DIXDC1: variants seen among roughly 807,000 people sequenced by gnomAD.
The protein encoded by DIXDC1 is DIX domain containing 1, also known as dixin.
In DIXDC1, 64 loss-of-function variants were observed where a neutral mutation model predicts 103.1. The ratio of observed to expected loss-of-function variants is 0.62; its 90% CI spans 0.51 to 0.76. The LOEUF (loss-of-function observed/expected upper bound fraction) is 0.76, where lower values mean the gene tolerates loss of function less well. Ranked by LOEUF, DIXDC1 falls within the 30% of genes least tolerant of loss-of-function variation. The pLI is 0.00. For missense variants in DIXDC1, 759 were observed against 834.2 expected, an observed-to-expected ratio of 0.91 and a Z score of 1.11; for synonymous variants, 266 against 298.5, an observed-to-expected ratio of 0.89 and a Z score of 1.12.
At chr11:112,002,261 A>G (rs76505591) in intron 17 of DIXDC1, among the ~76,000 whole-genome samples, 1 of 122,460 alleles carries the variant, frequency 8.2e-6, no homozygotes, top group Non-Finnish European at 1.6e-5. Context: ...CAGGCATGTG[A>G]AAAAAAAAAA....
intron 6 of DIXDC1, among the ~76,000 whole-genome samples, chr11:111,981,406 A>G (rs1860303253): frequency 6.6e-6 from 1 of 152,246 alleles, no homozygotes; most frequent in Non-Finnish European, 1.5e-5. Context: ...TGCAAGACTT[A>G]GAATTGTATT....
intron 1 of DIXDC1, among the ~76,000 whole-genome samples, chr11:111,950,421 TA>T (rs1966744727): frequency 9.8e-5 from 2 of 20,352 alleles, no homozygotes; most frequent in African/African-American, 3.0e-4. Context: ...TATATATATA[TA>T]TATATATATA....
intron 17 of DIXDC1, among the ~76,000 whole-genome samples, chr11:112,013,321 T>TGGAGGG (rs1555177392): frequency 2.8e-5 from 1 of 35,710 alleles, no homozygotes; most frequent in African/African-American, 9.8e-5. Context: ...GGTCGGGGGG[T>TGGAGGG]GGGGGTGGGG....
chr11:112,005,532 C>CA (rs1392132090), intron 17 of DIXDC1, among the ~76,000 whole-genome samples: 1 of 151,650 alleles, frequency 6.6e-6, no homozygotes, highest in African/African-American at 2.4e-5. Flanking sequence ...CCTGACTCAA[C>CA]AAAAAAATAA....
Position 111,977,866 on chromosome 11 carries a change from G to A in DIXDC1, c.657-2871G>A. 6.8e-7 allele frequency: 1 copy of A among 1,475,462 alleles called. No individual in the cohort carries two copies. The highest frequency in any genetic ancestry group is 1.3e-5 in the South Asian group (1 of 74,938). The allele number at this position is 1,475,462 out of a possible 1,614,324, so 91.4% of individuals were successfully genotyped here. Reference sequence around the variant, plus strand: ...AACAGGGGCAGGGCTGGAGGATGCTGTTGGCCGGAGACAGGCGGGGTGGTG... The same window carrying A: ...AACAGGGGCAGGGCTGGAGGATGCTATTGGCCGGAGACAGGCGGGGTGGTG... On this transcript the variant is annotated intron_variant, in intron 5 of 19. Transcript: ENST00000440460. This position sits in a 1 kb window ranked among gnomAD's most constrained non-coding sequence, Gnocchi z 6.1.
chr11:112,019,135 G>T lies in DIXDC1; in HGVS notation c.*99G>T. The T allele has an allele frequency of 9.9e-7, 1 of 1,007,222 alleles. No homozygotes were observed. 62.4% of individuals were successfully genotyped at this position (1,007,222 alleles called of 1,614,324 possible). ...ACCAGAATACACTAAGAAGTTTCTA[G>T]TTTGTGTGCCAAAACAGAAGCTTCT... is the stretch of plus-strand genomic sequence containing the variant. On this transcript the variant is annotated 3_prime_UTR_variant, in exon 20 of 20. Coordinates refer to ENST00000440460, the MANE Select transcript of DIXDC1 (RefSeq NM_001037954.4).
intron 1 of DIXDC1, among the ~76,000 whole-genome samples, chr11:111,949,325 GC>G (rs1966698887): frequency 6.6e-6 from 1 of 152,138 alleles, no homozygotes; most frequent in African/African-American, 2.4e-5. Flanking sequence ...TCAAAACCGA[GC>G]CATTGACTTT....
At chr11:111,975,165 G>T in intron 5 of DIXDC1, 182 bp downstream of exon 5, 1 of 1,404,410 alleles carries the variant, frequency 7.1e-7, no homozygotes, top group Non-Finnish European at 9.3e-7. Context: ...TAGGAAGGTA[G>T]GGTGGGGTGC....
At chr11:111,994,635 AAT>A (rs781869176) in intron 14 of DIXDC1, among the ~76,000 whole-genome samples, 21 of 150,988 alleles carry the variant, frequency 1.4e-4, no homozygotes, top group South Asian at 2.1e-4. Flanking sequence ...TATATGTATG[AAT>A]ATATATATAT....
intron 7 of DIXDC1, among the ~76,000 whole-genome samples, chr11:111,983,457 G>C (rs781789329): frequency 3.9e-5 from 6 of 152,136 alleles, no homozygotes; most frequent in Non-Finnish European, 7.3e-5. Flanking sequence ...AAAGTTGTTG[G>C]TTTTCCTTCA....
At chr11:111,941,858 A>ACC (rs1419450438) in intron 1 of DIXDC1, among the ~76,000 whole-genome samples, 1 of 151,682 alleles carries the variant, frequency 6.6e-6, no homozygotes, top group Non-Finnish European at 1.5e-5. Flanking sequence ...ACACACACAC[A>ACC]CACACACACA....
chr11:112,004,408 G>A (rs587661747), intron 17 of DIXDC1, among the ~76,000 whole-genome samples: 130 of 152,208 alleles, frequency 8.5e-4, no homozygotes, highest in African/African-American at 3.1e-3. Context: ...TCTAGGCAAA[G>A]GTGAAGACCC....
chr11:111,930,849 C>CTTTTTTTTTTTTTTTTTTTTT (rs782075106), intron 2 of DIXDC1, among the ~76,000 whole-genome samples: 1 of 116,864 alleles, frequency 8.6e-6, no homozygotes, highest in Non-Finnish European at 1.7e-5. Flanking sequence ...TCTTTCTTTC[C>CTTTTTTTTTTTTTTTTTTTTT]TTTTTTTTTT....
chr11:111,974,772 C>T, intron 4 of DIXDC1, 104 bp from the exon 5 acceptor site: 1 of 1,513,318 alleles, frequency 6.6e-7, no homozygotes. Flanking sequence ...TTGTCTTACT[C>T]ATGTGTGTAT....
upstream of DIXDC1, among the ~76,000 whole-genome samples, chr11:111,935,303 G>A (rs1555168026): frequency 6.6e-6 from 1 of 152,178 alleles, no homozygotes; most frequent in Non-Finnish European, 1.5e-5. Context: ...TGATATAAGG[G>A]ACTTGGGCCA....
At chr11:112,008,809 G>A (rs1420040666) in intron 17 of DIXDC1, among the ~76,000 whole-genome samples, 1 of 152,212 alleles carries the variant, frequency 6.6e-6, no homozygotes, top group African/African-American at 2.4e-5. Context: ...TTAAAGCAGT[G>A]TGTAGAGGGA....
chr11:111,963,550 A>C (rs782005250), intron 1 of DIXDC1, among the ~76,000 whole-genome samples: 5 of 152,202 alleles, frequency 3.3e-5, no homozygotes, highest in Non-Finnish European at 7.4e-5. Flanking sequence ...CCAAATTATA[A>C]ATTAATACAA....
At chr11:112,006,902 C>A (rs1861256343) in intron 17 of DIXDC1, among the ~76,000 whole-genome samples, 1 of 152,140 alleles carries the variant, frequency 6.6e-6, no homozygotes, top group Non-Finnish European at 1.5e-5. Flanking sequence ...ACCTCTTCTC[C>A]TCCAAAGGAT....
Position 111,996,079 on chromosome 11 carries a change from G to C in DIXDC1, c.1690-1G>C, listed in dbSNP as rs1555175370. ...CTTGTGATTTTTGTGTGGCTCCCCA[G>C]GTTCGGGTCAAGTCACCCAGAACTC... On this transcript the variant is annotated splice_acceptor_variant, in intron 16 of 19. Coordinates refer to ENST00000440460, the MANE Select transcript of DIXDC1 (RefSeq NM_001037954.4). LOFTEE classifies it high-confidence loss of function. 6.2e-7 allele frequency: 1 copy of C among 1,613,510 alleles called. No homozygotes were observed. The highest frequency in any genetic ancestry group is 1.1e-5 in the South Asian group (1 of 90,958).
Sources: allele counts gnomAD v4.1 joint callset (sites outside exome capture counted in the v4.1 genomes callset), GRCh38; gene constraint gnomAD v4.1.1; non-coding constraint Gnocchi (gnomAD v3.1); transcripts MANE v1.5; gene names NCBI Gene and HGNC (gene_info 2026-07-23, HGNC 2026-07-21).